Variants in ZRANB2 observed in about 807,000 individuals in gnomAD.
ZRANB2 encodes the protein zinc finger RANBP2-type containing 2.
Under a neutral mutation model 53.4 loss-of-function variants are expected in ZRANB2, and 19 were observed. The observed-to-expected ratio is 0.36, with a 90% CI of 0.25 to 0.52. The LOEUF (loss-of-function observed/expected upper bound fraction) is 0.52. Among genes scored for constraint, ZRANB2 ranks in the 20% least tolerant of loss-of-function variants. ZRANB2 has a pLI of 0.93. For missense variants in ZRANB2, 309 were observed against 401.1 expected, an observed-to-expected ratio of 0.77 and a Z score of 1.96; for synonymous variants, 145 against 134.8, an observed-to-expected ratio of 1.08 and a Z score of -0.52.
intron 3 of ZRANB2, among the ~76,000 whole-genome samples, chr1:71,077,408 T>C (rs1661732190): frequency 2.6e-5 from 4 of 152,228 alleles, no homozygotes; most frequent in Admixed American, 6.5e-5. Context: ...TTAAAGAGTA[T>C]GGTTATACCC....
At chr1:71,065,706 G>T in intron 9 of ZRANB2, 1 of 1,612,370 alleles carries the variant, frequency 6.2e-7, no homozygotes, top group Non-Finnish European at 8.5e-7. Flanking sequence ...TTCCGTAGGG[G>T]TTGGCCCTGG....
At chr1:71,067,645 A>C (rs771255877) in intron 8 of ZRANB2, 11 of 439,304 alleles carry the variant, frequency 2.5e-5, no homozygotes, top group Middle Eastern at 6.9e-4. Flanking sequence ...CAAACTTCCC[A>C]AAAAATTCAC....
At chr1:71,080,237 T>C (rs1421278372) in intron 1 of ZRANB2, among the ~76,000 whole-genome samples, 1 of 150,542 alleles carries the variant, frequency 6.6e-6, no homozygotes, top group Non-Finnish European at 1.5e-5. Flanking sequence ...AACTATCTAG[T>C]CGAGTACTGG....
chr1:71,073,862 C>G (rs959906545), intron 4 of ZRANB2, among the ~76,000 whole-genome samples: 2 of 151,984 alleles, frequency 1.3e-5, no homozygotes, highest in Admixed American at 6.6e-5. Flanking sequence ...CAATATAAAT[C>G]TAGCTCATTA....
chr1:71,073,558 A>G (rs1661639260), intron 4 of ZRANB2, among the ~76,000 whole-genome samples: 2 of 151,942 alleles, frequency 1.3e-5, no homozygotes, highest in South Asian at 2.1e-4. Flanking sequence ...AAAAACCCAC[A>G]CTAATATAGC....
At chr1:71,075,601 G>A (rs1159909677) in intron 4 of ZRANB2, among the ~76,000 whole-genome samples, 2 of 152,050 alleles carry the variant, frequency 1.3e-5, no homozygotes, top group East Asian at 3.9e-4. Flanking sequence ...AGGGATGGCT[G>A]CGAAGAATCC....
At position 71,076,678 on chromosome 1, in the gene ZRANB2, G is replaced by A. The variant is rs542001523; in HGVS notation, c.301+117C>T. On this transcript the variant is annotated intron_variant, in intron 4 of 9. Transcript: ENST00000370920. ...AAAAATCCCAGTAACAAACATTCAG[G>A]GCAGAATAAACAGAATCCTCACTTA... 1.6e-4 allele frequency: 120 copies of A among 767,174 alleles called. No homozygotes were observed. In the South Asian group the frequency reaches 1.8e-3, roughly 11 times the overall value. The allele number at this position is 767,174 out of a possible 1,614,324, so 47.5% of individuals were successfully genotyped here.
chr1:71,069,782 A>AT (rs1053704625), intron 7 of ZRANB2, among the ~76,000 whole-genome samples: 1 of 152,106 alleles, frequency 6.6e-6, no homozygotes, highest in East Asian at 1.9e-4. Context: ...AAAGTTTTGA[A>AT]TGTTGGCATG....
At chr1:71,077,680 C>T (rs1445924261) in intron 3 of ZRANB2, among the ~76,000 whole-genome samples, 2 of 151,984 alleles carry the variant, frequency 1.3e-5, no homozygotes, top group African/African-American at 4.8e-5. Flanking sequence ...ATGGTAAAAC[C>T]CTGTCTCTAC....
chr1:71,066,993 T>C, intron 8 of ZRANB2, 59 bp from the exon 9 acceptor site: 3 of 1,483,772 alleles, frequency 2.0e-6, no homozygotes, highest in Non-Finnish European at 1.8e-6. Context: ...AGGAAGATTA[T>C]TTAGTTATCA....
chr1:71,078,401 AG>A (rs1380593775), intron 3 of ZRANB2, 55 bp downstream of exon 3: 1 of 1,439,298 alleles, frequency 6.9e-7, no homozygotes, highest in Non-Finnish European at 9.7e-7. Flanking sequence ...ATAAACAAGT[AG>A]TGGCCAGATC....
chr1:71,070,875 C>A lies in ZRANB2; in HGVS notation c.635G>T (p.Arg212Leu), dbSNP rs779194312. 3.7e-6 allele frequency: 6 copies of A among 1,609,396 alleles called. No individual in the cohort carries two copies. Among genetic ancestry groups the A allele is most frequent in the South Asian group, 3.3e-5 (3 of 90,504 alleles). The change falls in exon 7 of 10, where the codon CGA becomes CTA. Residue 212 changes from arginine to leucine, a missense_variant. Transcript: ENST00000370920. ...GGGGGAGGATGAGCGTGATGAAGATCGTGAATGTGAAGATCGAGACTTTGA... is the reference window on the plus strand; with the variant it reads ...GGGGGAGGATGAGCGTGATGAAGATAGTGAATGTGAAGATCGAGACTTTGA... Reference protein sequence around the residue: ...SRSKSRSSHSRSSSRSSSPSS... With the variant: ...SRSKSRSSHSLSSSRSSSPSS...
At chr1:71,067,618 G>C (rs953557218) in intron 8 of ZRANB2, 2 of 432,068 alleles carry the variant, frequency 4.6e-6, no homozygotes, top group Middle Eastern at 7.4e-4. Context: ...GTATATTTTG[G>C]TTGAAGGAAT....
chr1:71,076,652 A>G lies in ZRANB2; in HGVS notation c.301+143T>C, dbSNP rs192599065. On this transcript the variant is annotated intron_variant, in intron 4 of 9. Transcript: ENST00000370920. ...AGATTTGTATGTGTGTATGGGGGGA[A>G]AAAAATCCCAGTAACAAACATTCAG... The G allele has an allele frequency of 1.2e-5, 8 of 671,380 alleles. No individual in the cohort carries two copies. In the Admixed American group the frequency reaches 1.9e-4, roughly 16 times the overall value. 41.6% of individuals were successfully genotyped at this position (671,380 alleles called of 1,614,324 possible). A position where few individuals can be genotyped will look rare whatever the true frequency, so the allele number is the denominator to read the frequency against.
chr1:71,066,708 A>G (rs1661448581), intron 9 of ZRANB2, 68 bp downstream of exon 9: 1 of 1,507,530 alleles, frequency 6.6e-7, no homozygotes, highest in South Asian at 1.3e-5. Context: ...ACCCTTGACT[A>G]GGAAAGTTTA....
intron 4 of ZRANB2, among the ~76,000 whole-genome samples, chr1:71,075,884 G>C (rs748272199): frequency 6.8e-6 from 1 of 147,962 alleles, no homozygotes; most frequent in Non-Finnish European, 1.5e-5. Flanking sequence ...TCTCACATAT[G>C]AGAATGTAAG....
intron 1 of ZRANB2, among the ~76,000 whole-genome samples, chr1:71,080,131 G>A (rs1399332408): frequency 6.6e-6 from 1 of 151,982 alleles, no homozygotes; most frequent in Non-Finnish European, 1.5e-5. Context: ...ACAAATAAAA[G>A]GCTTTTATGT....
At chr1:71,080,554 A>G (rs1200381687) in intron 1 of ZRANB2, among the ~76,000 whole-genome samples, 1 of 150,756 alleles carries the variant, frequency 6.6e-6, no homozygotes, top group Non-Finnish European at 1.5e-5. Context: ...TCCGTGAACA[A>G]GAGTAAAGTT....
chr1:71,080,657 G>A (rs1357496300), intron 1 of ZRANB2, among the ~76,000 whole-genome samples: 1 of 143,344 alleles, frequency 7.0e-6, no homozygotes, highest in Non-Finnish European at 1.5e-5. Context: ...GGCGGGGGAG[G>A]GGGGTGGGGG....
Sources: gnomAD v4.1 joint callset for allele counts (sites outside exome capture counted in the v4.1 genomes callset) on GRCh38, gnomAD v4.1.1 for gene constraint, MANE v1.5 for transcripts, NCBI Gene and HGNC (gene_info 2026-07-23, HGNC 2026-07-21) for gene names.